The following CTNNA2 variants were observed in gnomAD, a reference collection of about 807,000 sequenced individuals.
CTNNA2 encodes the protein catenin alpha-2.
A neutral mutation model predicts 101.0 loss-of-function variants in CTNNA2; 42 were observed. The observed-to-expected ratio is 0.42, with a 90% CI of 0.32 to 0.54. The LOEUF (loss-of-function observed/expected upper bound fraction) is 0.54, where lower values mean the gene tolerates loss of function less well. Among genes scored for constraint, CTNNA2 ranks in the 20% least tolerant of loss-of-function variants. The pLI is 0.14. For missense variants in CTNNA2, 871 were observed against 1,223.1 expected (o/e 0.71, Z 4.29); for synonymous variants, 450 against 456.4 (o/e 0.99, Z 0.18).
In CTNNA2 at chr2:80,640,705, T is replaced by C. The variant is rs143970848; in HGVS notation, c.2575-6880T>C. Among the ~76,000 whole-genome samples, 50 of 152,340 alleles carry C rather than the reference T, an allele frequency of 3.3e-4. 1 individual carries two copies. The highest frequency in any genetic ancestry group is 8.4e-4 in the African/African-American group (35 of 41,588). ...ATGAAATGTTCTTCTTGGAGGATAA[T>C]AGGCTCCAATGCTCTGGGTTTCTAA... On this transcript the variant is annotated intron_variant, in intron 18 of 18. Coordinates refer to ENST00000402739, the MANE Select transcript of CTNNA2 (RefSeq NM_001282597.3).
chr2:79,594,575 G>T (rs1443554869), intron 1 of CTNNA2, among the ~76,000 whole-genome samples: 1 of 152,034 alleles, frequency 6.6e-6, no homozygotes, highest in Admixed American at 6.5e-5. Flanking sequence ...GAACATTGAG[G>T]CTGTTAGACC....
chr2:79,274,038 C>A (rs1675149324), intron 2 of CTNNA2, among the ~76,000 whole-genome samples: 1 of 152,012 alleles, frequency 6.6e-6, no homozygotes, highest in Admixed American at 6.6e-5. Flanking sequence ...TAAATATTTT[C>A]ATCTTCTCTC....
intron 2 of CTNNA2, among the ~76,000 whole-genome samples, chr2:79,216,059 G>A (rs1019894662): frequency 9.2e-5 from 14 of 152,186 alleles, no homozygotes; most frequent in African/African-American, 2.9e-4. Flanking sequence ...ATGCCTGGAC[G>A]TCAGGCACCT....
intron 3 of CTNNA2, among the ~76,000 whole-genome samples, chr2:79,369,846 G>T (rs964400883): frequency 6.6e-6 from 1 of 152,094 alleles, no homozygotes; most frequent in African/African-American, 2.4e-5. Flanking sequence ...ACACCTCTGG[G>T]ATCACTTCAG....
At chr2:79,623,182 G>T (rs945540173) in intron 1 of CTNNA2, among the ~76,000 whole-genome samples, 4 of 152,064 alleles carry the variant, frequency 2.6e-5, no homozygotes, top group Non-Finnish European at 5.9e-5. Flanking sequence ...GATAATAATG[G>T]TATGTTAGCT....
At chr2:80,570,422 G>A (rs1694482380) in intron 12 of CTNNA2, among the ~76,000 whole-genome samples, 1 of 152,180 alleles carries the variant, frequency 6.6e-6, no homozygotes, top group Non-Finnish European at 1.5e-5. Flanking sequence ...AGAGGTATTG[G>A]TGATTAAAGA....
At chr2:80,453,658 A>G (rs559264374) in intron 9 of CTNNA2, among the ~76,000 whole-genome samples, 14 of 152,210 alleles carry the variant, frequency 9.2e-5, no homozygotes, top group South Asian at 2.1e-4. Context: ...ACTACAGAAC[A>G]TATATCTGTT....
chr2:80,637,459 A>G (rs1034857712), intron 18 of CTNNA2, among the ~76,000 whole-genome samples: 9 of 152,120 alleles, frequency 5.9e-5, no homozygotes, highest in Admixed American at 6.6e-5. Context: ...CATGCATGTA[A>G]GAATGAATTA....
chr2:79,806,713 C>G lies in CTNNA2; in HGVS notation c.299-51300C>G, dbSNP rs1021149282. ...CCGAGCTGAGTTGTCAGCTGGAAAACTAGTGGTCTCTTGGGGGTTGCTTCT... is the reference window on the plus strand; with the variant it reads ...CCGAGCTGAGTTGTCAGCTGGAAAAGTAGTGGTCTCTTGGGGGTTGCTTCT... On this transcript the variant is annotated intron_variant, in intron 3 of 18. Coordinates refer to ENST00000402739, the MANE Select transcript of CTNNA2 (RefSeq NM_001282597.3). 2.6e-5 allele frequency among the ~76,000 whole-genome samples: 4 copies of G among 152,058 alleles called. No individual in the cohort carries two copies. In the South Asian group the frequency reaches 8.3e-4, roughly 32 times the overall value.
intron 9 of CTNNA2, 54 bp downstream of exon 9, chr2:80,419,655 A>G (rs1044508864): frequency 6.5e-7 from 1 of 1,546,956 alleles, no homozygotes; most frequent in African/African-American, 1.4e-5. Context: ...CAATCTCTGC[A>G]TATGGCTCTT....
At chr2:79,452,406 A>C (rs1047659205) in intron 4 of CTNNA2, among the ~76,000 whole-genome samples, 11 of 151,942 alleles carry the variant, frequency 7.2e-5, no homozygotes, top group Non-Finnish European at 8.8e-5. Flanking sequence ...AGATGAAAGT[A>C]GTATGTTTTT....
intron 15 of CTNNA2, among the ~76,000 whole-genome samples, chr2:80,602,355 GAATC>G (rs1697628096): frequency 6.6e-6 from 1 of 151,970 alleles, no homozygotes; most frequent in Non-Finnish European, 1.5e-5. Context: ...CATTTTGTCA[GAATC>G]AATCAGCTGG....
chr2:79,984,565 C>T (rs1164570490), intron 7 of CTNNA2, among the ~76,000 whole-genome samples: 6 of 152,150 alleles, frequency 3.9e-5, no homozygotes, highest in Non-Finnish European at 8.8e-5. Context: ...GACATCTTTG[C>T]CAAAATGTAC....
At chr2:80,596,260 T>C (rs1265416447) in intron 15 of CTNNA2, among the ~76,000 whole-genome samples, 1 of 146,012 alleles carries the variant, frequency 6.8e-6, no homozygotes, top group East Asian at 2.0e-4. Context: ...AAGGAGTTTT[T>C]TTGGGCTGAG....
chr2:79,847,864 G>A (rs1445920517), intron 3 of CTNNA2, among the ~76,000 whole-genome samples: 1 of 152,074 alleles, frequency 6.6e-6, no homozygotes, highest in Admixed American at 6.6e-5. Flanking sequence ...TGATGCTCGC[G>A]TTATCTCTGC....
intron 1 of CTNNA2, among the ~76,000 whole-genome samples, chr2:79,519,675 GA>G (rs879780918): frequency 9.3e-5 from 14 of 150,450 alleles, no homozygotes; most frequent in Non-Finnish European, 1.5e-4. Context: ...GCTGCATAAG[GA>G]AAAAAAAACT....
chr2:80,596,936 C>T (rs1573404095), intron 15 of CTNNA2, among the ~76,000 whole-genome samples: 1 of 152,090 alleles, frequency 6.6e-6, no homozygotes, highest in Non-Finnish European at 1.5e-5. Flanking sequence ...TGAATTTTAT[C>T]GAAGGCCTTT....
At chr2:79,475,677 T>C (rs1671042927) in intron 4 of CTNNA2, among the ~76,000 whole-genome samples, 1 of 78,242 alleles carries the variant, frequency 1.3e-5, no homozygotes, top group Non-Finnish European at 2.7e-5. Context: ...CATCTTTGAA[T>C]ACTTTTTTTT....
At chr2:79,501,965 C>A (rs1017459863) in intron 4 of CTNNA2, among the ~76,000 whole-genome samples, 11 of 128,788 alleles carry the variant, frequency 8.5e-5, no homozygotes, top group Non-Finnish European at 1.7e-4. Flanking sequence ...GGATATTAGT[C>A]TTTTTTTTTT....
Sources: allele counts gnomAD v4.1 joint callset (sites outside exome capture counted in the v4.1 genomes callset), GRCh38; gene constraint gnomAD v4.1.1; transcripts MANE v1.5; gene names NCBI Gene and HGNC (gene_info 2026-07-23, HGNC 2026-07-21).